JARID2: variants seen among roughly 807,000 people sequenced by gnomAD.
JARID2 encodes protein Jumonji.
Under a neutral mutation model 125.6 loss-of-function variants are expected in JARID2, and 21 were observed. The ratio of observed to expected loss-of-function variants is 0.17; its 90% CI spans 0.12 to 0.24. The LOEUF is 0.24. Among genes scored for constraint, JARID2 ranks in the 10% least tolerant of loss-of-function variants. The pLI is 1.00. For missense variants in JARID2, 1,303 were observed against 1,639.6 expected, an observed-to-expected ratio of 0.79 and a Z score of 3.55; for synonymous variants, 736 against 661.6, an observed-to-expected ratio of 1.11 and a Z score of -1.73.
intron 1 of JARID2, among the ~76,000 whole-genome samples, chr6:15,373,268 CTG>C (rs1380003725): frequency 5.3e-5 from 8 of 152,190 alleles, no homozygotes; most frequent in Non-Finnish European, 1.0e-4. Context: ...TCTCAAGTCT[CTG>C]TATAATTTTT....
chr6:15,425,716 TTC>T (rs1310995507), intron 3 of JARID2, among the ~76,000 whole-genome samples: 1 of 152,176 alleles, frequency 6.6e-6, no homozygotes, highest in Admixed American at 6.5e-5. Flanking sequence ...AGAAATAAAT[TTC>T]TGTTCTTTAT....
At chr6:15,436,683 C>A (rs1767219047) in intron 3 of JARID2, among the ~76,000 whole-genome samples, 1 of 152,132 alleles carries the variant, frequency 6.6e-6, no homozygotes, top group Non-Finnish European at 1.5e-5. Flanking sequence ...CTCTTCTATT[C>A]CCAGCACTCC....
intron 5 of JARID2, among the ~76,000 whole-genome samples, chr6:15,472,047 C>T (rs1303942823): frequency 6.7e-6 from 1 of 149,952 alleles, no homozygotes; most frequent in South Asian, 2.1e-4. Context: ...AAATTTAATG[C>T]CTGTTAATTC....
At chr6:15,474,486 G>A (rs565813878) in intron 5 of JARID2, among the ~76,000 whole-genome samples, 1 of 143,534 alleles carries the variant, frequency 7.0e-6, no homozygotes, top group Non-Finnish European at 1.5e-5. Context: ...TTAGCTACTC[G>A]TTAGCTTGTG....
rs548126289 is a variant in JARID2 at position 15,487,250 on chromosome 6, T to G, written c.671-57T>G. ...ACACAGAGCCAAACCATATCAGTAG[T>G]TTGCGTGGTAGTGGTCAAGGTAGTG... On this transcript the variant is annotated intron_variant, in intron 5 of 17. Transcript: ENST00000341776. 3.9e-5 allele frequency: 55 copies of G among 1,426,172 alleles called. No individual in the cohort carries two copies. The African/African-American group carries it at 7.5e-4, about 19-fold the overall frequency. 88.3% of individuals were successfully genotyped at this position (1,426,172 alleles called of 1,614,324 possible).
At chr6:15,457,345 C>T (rs1471520553) in intron 4 of JARID2, among the ~76,000 whole-genome samples, 2 of 152,192 alleles carry the variant, frequency 1.3e-5, no homozygotes, top group Non-Finnish European at 2.9e-5. Flanking sequence ...AACCTTCTTA[C>T]ACCTGCATCC....
intron 3 of JARID2, among the ~76,000 whole-genome samples, chr6:15,422,094 C>T (rs181189170): frequency 2.4e-3 from 362 of 152,288 alleles, no homozygotes; most frequent in Non-Finnish European, 2.8e-3. Context: ...TCTCTTGGGT[C>T]CTCCAATGTT....
At chr6:15,366,979 G>T (rs894148607) in intron 1 of JARID2, among the ~76,000 whole-genome samples, 1 of 152,032 alleles carries the variant, frequency 6.6e-6, no homozygotes, top group African/African-American at 2.4e-5. Context: ...AAAAGTCTTT[G>T]TGTCATTGTA....
chr6:15,416,570 G>C (rs1405139199), intron 3 of JARID2, among the ~76,000 whole-genome samples: 3 of 152,262 alleles, frequency 2.0e-5, no homozygotes, highest in Admixed American at 1.3e-4. Context: ...CGCCTGCAAT[G>C]GCAGGCACTC....
intron 3 of JARID2, 31 bp downstream of exon 3, chr6:15,410,396 C>T (rs1250890701): frequency 6.2e-7 from 1 of 1,606,252 alleles, no homozygotes; most frequent in Non-Finnish European, 8.5e-7. Flanking sequence ...ATATTGGTAC[C>T]TTCAACCAGG....
At chr6:15,305,204 G>T (rs1165395382) in intron 1 of JARID2, among the ~76,000 whole-genome samples, 1 of 152,164 alleles carries the variant, frequency 6.6e-6, no homozygotes, top group Non-Finnish European at 1.5e-5. Context: ...AAGAAAACGT[G>T]AAGAAGGATT....
chr6:15,439,765 G>T (rs908499541), intron 3 of JARID2, among the ~76,000 whole-genome samples: 1 of 152,102 alleles, frequency 6.6e-6, no homozygotes, highest in Non-Finnish European at 1.5e-5. Flanking sequence ...TAAAGAAGAG[G>T]GGTAACAAGC....
chr6:15,510,132 A>AG (rs1771203236), intron 12 of JARID2, among the ~76,000 whole-genome samples: 1 of 151,700 alleles, frequency 6.6e-6, no homozygotes, highest in Admixed American at 6.6e-5. Flanking sequence ...GGCTGTGGGG[A>AG]GGGGCTGGCG....
At chr6:15,313,180 G>A (rs1762072948) in intron 1 of JARID2, among the ~76,000 whole-genome samples, 1 of 152,132 alleles carries the variant, frequency 6.6e-6, no homozygotes, top group Non-Finnish European at 1.5e-5. Context: ...GATGGTTAGG[G>A]AGAATATGTT....
rs1410990224 is a variant in JARID2, at chr6:15,520,217, C to T, written c.3707C>T (p.Ser1236Phe). 6.2e-7 allele frequency: 1 copy of T among 1,612,826 alleles called. No individual in the cohort carries two copies. Among genetic ancestry groups the T allele is most frequent in the Admixed American group, 1.7e-5 (1 of 59,770 alleles). Reference protein sequence around the residue: ...VDVPPSRLSASSSSKSASSSS With the variant: ...VDVPPSRLSAFSSSKSASSSS ...GTGCCCCCCTCCCGTCTGTCAGCCT[C>T]CAGTTCATCCAAAAGTGCTTCGAGC... The change falls in exon 18 of 18, where the codon TCC (serine) becomes TTC (phenylalanine). Residue 1236 changes from serine to phenylalanine, a missense_variant. By Grantham distance (155) the Ser-to-Phe change is radical (BLOSUM62 -2). Transcript: ENST00000341776.
intron 1 of JARID2, among the ~76,000 whole-genome samples, chr6:15,300,720 TGTGAGAGAGAGAGAGA>T (rs1389585614): frequency 1.2e-4 from 15 of 130,194 alleles, no homozygotes; most frequent in African/African-American, 4.7e-4. Flanking sequence ...TGTGTGTGTG[TGTGAGAGAGAGAGAGA>T]GAGAGAGAGA....
chr6:15,316,544 A>AT (rs1252026967), intron 1 of JARID2, among the ~76,000 whole-genome samples: 6 of 151,332 alleles, frequency 4.0e-5, no homozygotes, highest in South Asian at 4.2e-4. Context: ...TGTTCTTGCT[A>AT]TTTTTTTTGA....
At chr6:15,322,809 G>A (rs1055106390) in intron 1 of JARID2, among the ~76,000 whole-genome samples, 1 of 152,268 alleles carries the variant, frequency 6.6e-6, no homozygotes, top group African/African-American at 2.4e-5. Context: ...GCATAGAGAA[G>A]AGGGGATAGT....
At position 15,521,592 on chromosome 6, in the gene JARID2, G is replaced by A. The variant is rs1307248026; in HGVS notation, c.*1341G>A. 6.6e-6 allele frequency: 1 copy of A among 152,122 alleles called. No homozygotes were observed. Among genetic ancestry groups the A allele is most frequent in the Admixed American group, 6.5e-5 (1 of 15,282 alleles). The allele number at this position is 152,122 out of a possible 1,614,324, so 9.4% of individuals were successfully genotyped here. On this transcript the variant is annotated 3_prime_UTR_variant, in exon 18 of 18. Transcript: ENST00000341776. ...GTAGCTGTTGCCCTTCTCCGGTTGT[G>A]TGTACAGTATGTGTGGAATAAAAAA...
Sources: gnomAD v4.1 joint callset for allele counts (sites outside exome capture counted in the v4.1 genomes callset) on GRCh38, gnomAD v4.1.1 for gene constraint, MANE v1.5 for transcripts, NCBI Gene and HGNC (gene_info 2026-07-23, HGNC 2026-07-21) for gene names.